Variants in SIPA1L1 observed in about 807,000 individuals in gnomAD.
SIPA1L1 encodes the protein signal induced proliferation associated 1 like 1, also known as signal-induced proliferation-associated 1-like protein 1.
A neutral mutation model predicts 162.7 loss-of-function variants in SIPA1L1; 26 were observed. That is an observed-to-expected ratio of 0.16 (90% CI 0.12 to 0.22). SIPA1L1 has a LOEUF of 0.22. SIPA1L1 is among the 10% of genes least tolerant of loss of function. SIPA1L1 has a pLI of 1.00. For synonymous variants in SIPA1L1, 829 were observed against 837.4 expected (o/e 0.99, Z 0.17); for missense variants, 1,874 against 2,241.0 (o/e 0.84, Z 3.31).
intron 6 of SIPA1L1, among the ~76,000 whole-genome samples, chr14:71,620,751 C>T (rs1483753888): frequency 1.3e-5 from 2 of 152,326 alleles, no homozygotes; most frequent in East Asian, 1.9e-4. Context: ...CTGTGAACCA[C>T]ACCAACTCTT....
intron 4 of SIPA1L1, among the ~76,000 whole-genome samples, chr14:71,543,795 T>C (rs79466804): frequency 0.02 from 2,965 of 150,604 alleles, 50 homozygotes; most frequent in Non-Finnish European, 0.031. Flanking sequence ...AGATTATATA[T>C]GTATATAATG....
At chr14:71,687,616 A>C (rs1315677414) in intron 13 of SIPA1L1, among the ~76,000 whole-genome samples, 1 of 152,256 alleles carries the variant, frequency 6.6e-6, no homozygotes, top group Non-Finnish European at 1.5e-5. Context: ...GACCTTCAAA[A>C]GGGAAAATAT....
intron 17 of SIPA1L1, among the ~76,000 whole-genome samples, chr14:71,710,776 C>T (rs2082814701): frequency 6.8e-6 from 1 of 147,972 alleles, no homozygotes; most frequent in Non-Finnish European, 1.5e-5. Context: ...CAACTGCACT[C>T]CAGCCTGGGC....
chr14:71,680,862 G>A (rs769557718), intron 12 of SIPA1L1, among the ~76,000 whole-genome samples: 7 of 152,142 alleles, frequency 4.6e-5, no homozygotes, highest in Admixed American at 2.6e-4. Context: ...GGATGGGGGC[G>A]TCATGGGCCA....
chr14:71,481,223 A>T (rs1000501011), intron 2 of SIPA1L1, among the ~76,000 whole-genome samples: 2 of 152,212 alleles, frequency 1.3e-5, no homozygotes, highest in African/African-American at 4.8e-5. Context: ...TCACGCCTGT[A>T]ACCCTAGCAC....
At chr14:71,482,773 C>G (rs1430673938) in intron 2 of SIPA1L1, among the ~76,000 whole-genome samples, 2 of 152,196 alleles carry the variant, frequency 1.3e-5, no homozygotes, top group Non-Finnish European at 2.9e-5. Flanking sequence ...TCTTCTCTCC[C>G]TCTCACCCAA....
chr14:71,609,610 G>A (rs2148280073), intron 5 of SIPA1L1, among the ~76,000 whole-genome samples: 1 of 152,120 alleles, frequency 6.6e-6, no homozygotes. Flanking sequence ...GGGATTACAG[G>A]TGCACACCAC....
At chr14:71,407,243 T>G (rs975937322) in intron 2 of SIPA1L1, among the ~76,000 whole-genome samples, 1 of 152,232 alleles carries the variant, frequency 6.6e-6, no homozygotes, top group Non-Finnish European at 1.5e-5. Flanking sequence ...TGTTAAATGC[T>G]TTCCATTTTT....
intron 13 of SIPA1L1, among the ~76,000 whole-genome samples, chr14:71,688,681 G>A (rs922785107): frequency 3.9e-5 from 6 of 152,078 alleles, no homozygotes; most frequent in Admixed American, 6.6e-5. Context: ...GCATACCAGC[G>A]CCGTCCTGAG....
intron 4 of SIPA1L1, among the ~76,000 whole-genome samples, chr14:71,555,221 C>T (rs1349124209): frequency 6.6e-6 from 1 of 152,200 alleles, no homozygotes; most frequent in African/African-American, 2.4e-5. Flanking sequence ...TTCATCTATA[C>T]TGAAAATCTG....
At chr14:71,465,466 A>G (rs753371710) in intron 2 of SIPA1L1, among the ~76,000 whole-genome samples, 9 of 152,174 alleles carry the variant, frequency 5.9e-5, no homozygotes, top group Admixed American at 1.3e-4. Flanking sequence ...TTCTCCACAT[A>G]TGGTATTATG....
At chr14:71,428,595 A>G (rs2043757744) in intron 2 of SIPA1L1, among the ~76,000 whole-genome samples, 1 of 152,090 alleles carries the variant, frequency 6.6e-6, no homozygotes, top group Non-Finnish European at 1.5e-5. Flanking sequence ...GGGTAAAGAG[A>G]AAATTGAATG....
At chr14:71,440,114 C>A (rs2044715882) in intron 2 of SIPA1L1, among the ~76,000 whole-genome samples, 1 of 152,164 alleles carries the variant, frequency 6.6e-6, no homozygotes, top group African/African-American at 2.4e-5. Context: ...CAACCTCTGC[C>A]TCCCAGGTTG....
intron 2 of SIPA1L1, among the ~76,000 whole-genome samples, chr14:71,436,774 T>C (rs1226674942): frequency 6.8e-6 from 1 of 147,856 alleles, no homozygotes; most frequent in Non-Finnish European, 1.5e-5. Context: ...TTTTTTTTTT[T>C]TTTTTTTTGA....
chr14:71,675,997 C>T (rs1336891187), intron 12 of SIPA1L1, among the ~76,000 whole-genome samples: 2 of 150,772 alleles, frequency 1.3e-5, no homozygotes, highest in Non-Finnish European at 3.0e-5. Context: ...ATGTAAAAGC[C>T]TGTAATCCCA....
chr14:71,685,454 A>G lies in SIPA1L1; in HGVS notation c.3197A>G (p.Asn1066Ser). ...YEFKFPFRNNNKWQRNASKGP... is the reference protein window; with the variant it reads ...YEFKFPFRNNSKWQRNASKGP... ...TTCAAGTTTCCCTTCCGAAATAATA[A>G]CAAGTGGCAGAGGAACGCCAGCAAG... The change falls in exon 13 of 24, where the codon AAC becomes AGC. Residue 1066 changes from asparagine to serine, a missense_variant. By Grantham distance (46) the Asn-to-Ser change is conservative. Coordinates refer to ENST00000381232, the MANE Select transcript of SIPA1L1 (RefSeq NM_001386936.1). The G allele has an allele frequency of 6.2e-7, 1 of 1,614,216 alleles. No homozygotes were observed. The highest frequency in any genetic ancestry group is 8.5e-7 in the Non-Finnish European group (1 of 1,180,040).
chr14:71,484,196 C>G (rs2048569504), intron 2 of SIPA1L1, among the ~76,000 whole-genome samples: 1 of 151,518 alleles, frequency 6.6e-6, no homozygotes, highest in Non-Finnish European at 1.5e-5. Context: ...CACATAGCAG[C>G]TGAGAGGACA....
intron 19 of SIPA1L1, among the ~76,000 whole-genome samples, chr14:71,725,476 A>T (rs1056362995): frequency 2.6e-5 from 4 of 152,202 alleles, no homozygotes; most frequent in Non-Finnish European, 4.4e-5. Flanking sequence ...TCCAGACTGT[A>T]AATGTCTTCT....
At chr14:71,416,555 C>G (rs1460459140) in intron 2 of SIPA1L1, among the ~76,000 whole-genome samples, 1 of 152,026 alleles carries the variant, frequency 6.6e-6, no homozygotes, top group African/African-American at 2.4e-5. Context: ...CATTCTTACT[C>G]AGGTCTCCTC....
Sources: allele counts gnomAD v4.1 joint callset (sites outside exome capture counted in the v4.1 genomes callset), GRCh38; gene constraint gnomAD v4.1.1; transcripts MANE v1.5; gene names NCBI Gene and HGNC (gene_info 2026-07-23, HGNC 2026-07-21).